Variants in HS3ST2 observed in about 807,000 individuals in gnomAD.
The protein encoded by HS3ST2 is heparan sulfate-glucosamine 3-sulfotransferase 2, also known as heparan sulfate glucosamine 3-O-sulfotransferase 2.
HS3ST2 carries 17 observed loss-of-function variants against 26.3 expected under a neutral mutation model. The ratio of observed to expected loss-of-function variants is 0.65; its 90% CI spans 0.44 to 0.97. The LOEUF is 0.97. Ranked by LOEUF, HS3ST2 falls within the 50% of genes least tolerant of loss-of-function variation. The pLI, the probability that HS3ST2 is intolerant of heterozygous loss-of-function variation, is 0.00. For synonymous variants in HS3ST2, 237 were observed against 219.2 expected, an observed-to-expected ratio of 1.08 and a Z score of -0.72; for missense variants, 402 against 501.2, an observed-to-expected ratio of 0.80 and a Z score of 1.89.
intron 1 of HS3ST2, among the ~76,000 whole-genome samples, chr16:22,862,657 G>A (rs1182876871): frequency 3.3e-5 from 5 of 152,206 alleles, no homozygotes; most frequent in African/African-American, 1.2e-4. Context: ...GACTCAGCCA[G>A]GTTGCCAGTC....
chr16:22,898,508 G>A (rs1474048491), intron 1 of HS3ST2, among the ~76,000 whole-genome samples: 9 of 152,222 alleles, frequency 5.9e-5, no homozygotes, highest in Non-Finnish European at 1.2e-4. Flanking sequence ...TTGAGCCACA[G>A]GAAGAGCCAG....
At chr16:22,910,079 A>G (rs1402692368) in intron 1 of HS3ST2, among the ~76,000 whole-genome samples, 2 of 152,006 alleles carry the variant, frequency 1.3e-5, no homozygotes, top group Non-Finnish European at 2.9e-5. Context: ...GGAAAAAAGA[A>G]GTTAGAAGGG....
intron 1 of HS3ST2, among the ~76,000 whole-genome samples, chr16:22,910,037 C>CAAAAAAAAAAAA (rs774757407): frequency 2.1e-5 from 2 of 97,020 alleles, no homozygotes; most frequent in East Asian, 2.8e-4. Context: ...AACTCCATCT[C>CAAAAAAAAAAAA]AAAAAAAAAA....
At chr16:22,819,268 T>C (rs1900953291) in intron 1 of HS3ST2, among the ~76,000 whole-genome samples, 1 of 149,622 alleles carries the variant, frequency 6.7e-6, no homozygotes, top group Non-Finnish European at 1.5e-5. Flanking sequence ...GTCAGTCTGC[T>C]CACCTGTGAA....
chr16:22,907,550 C>A (rs554505531), intron 1 of HS3ST2, among the ~76,000 whole-genome samples: 1 of 152,130 alleles, frequency 6.6e-6, no homozygotes, highest in Non-Finnish European at 1.5e-5. Context: ...GTAAAACTTA[C>A]AAGAACGAAA....
At chr16:22,906,129 T>C (rs1475169368) in intron 1 of HS3ST2, among the ~76,000 whole-genome samples, 1 of 151,996 alleles carries the variant, frequency 6.6e-6, no homozygotes, top group Non-Finnish European at 1.5e-5. Flanking sequence ...TCCCAGCACT[T>C]TGGGAGGCTG....
intron 1 of HS3ST2, among the ~76,000 whole-genome samples, chr16:22,841,420 C>A (rs1901354646): frequency 6.6e-6 from 1 of 152,178 alleles, no homozygotes; most frequent in Non-Finnish European, 1.5e-5. Context: ...TAATCACAAA[C>A]CAGCTTGACA....
chr16:22,819,450 G>C (rs1567478803), intron 1 of HS3ST2, among the ~76,000 whole-genome samples: 1 of 152,180 alleles, frequency 6.6e-6, no homozygotes, highest in Non-Finnish European at 1.5e-5. Context: ...TATAAGCTTT[G>C]CTGTGTGTAG....
intron 1 of HS3ST2, among the ~76,000 whole-genome samples, chr16:22,912,651 A>G (rs910438003): frequency 2.0e-5 from 3 of 152,210 alleles, no homozygotes; most frequent in Non-Finnish European, 4.4e-5. Context: ...CAGTGTATCC[A>G]GTGTAGCAGC....
intron 1 of HS3ST2, among the ~76,000 whole-genome samples, chr16:22,824,745 T>G (rs1441605661): frequency 6.6e-6 from 1 of 152,164 alleles, no homozygotes; most frequent in Admixed American, 6.5e-5. Flanking sequence ...TTTCCCTTGG[T>G]TAACAGAGGC....
chr16:22,870,531 G>A (rs550346221), intron 1 of HS3ST2, among the ~76,000 whole-genome samples: 61 of 152,134 alleles, frequency 4.0e-4, no homozygotes, highest in African/African-American at 1.4e-3. Context: ...CAGCCTCCAA[G>A]GTCCTACACC....
intron 1 of HS3ST2, among the ~76,000 whole-genome samples, chr16:22,890,933 G>C (rs1048274647): frequency 6.6e-5 from 10 of 152,182 alleles, no homozygotes; most frequent in African/African-American, 2.2e-4. Context: ...CCAGTAGACA[G>C]AAGAAATCAC....
In HS3ST2 at chr16:22,814,282, G is replaced by A. The variant is rs777043366; in HGVS notation, c.-329G>A. On this transcript the variant is annotated 5_prime_UTR_variant, in exon 1 of 2. The change abolishes an upstream ATG in the 5' untranslated region. Coordinates refer to ENST00000261374, the MANE Select transcript of HS3ST2 (RefSeq NM_006043.2). ...GAGCGGCGCTCCGAGGATCAGGAAT[G>A]GGGCTTCGGGCGCTGGGCGCGCTCC... 4.3e-5 allele frequency: 11 copies of A among 256,864 alleles called. No individual in the cohort carries two copies. Among genetic ancestry groups the A allele is most frequent in the Non-Finnish European group, 8.0e-5 (11 of 136,792 alleles). 15.9% of individuals were successfully genotyped at this position (256,864 alleles called of 1,614,324 possible).
At position 22,830,305 on chromosome 16, in the gene HS3ST2, G is replaced by A. The variant is rs556437259; in HGVS notation, c.485+15210G>A. 6.6e-5 allele frequency among the ~76,000 whole-genome samples: 10 copies of A among 152,286 alleles called. No individual in the cohort carries two copies. In the South Asian group the frequency reaches 1.2e-3, roughly 19 times the overall value. On this transcript the variant is annotated intron_variant, in intron 1 of 1. Transcript: ENST00000261374. The stretch of plus-strand genomic sequence containing the variant: ...TCACAGGTTCTTGTTTTAGAGATCC[G>A]CTTGCTTGCACAGAATGTGAGTGCC...
At chr16:22,865,684 T>G (rs1901740986) in intron 1 of HS3ST2, among the ~76,000 whole-genome samples, 1 of 152,242 alleles carries the variant, frequency 6.6e-6, no homozygotes, top group African/African-American at 2.4e-5. Context: ...ATTTTACTAC[T>G]GAGTAACTGG....
At chr16:22,817,464 T>A (rs1055259963) in intron 1 of HS3ST2, among the ~76,000 whole-genome samples, 1 of 152,220 alleles carries the variant, frequency 6.6e-6, no homozygotes, top group Admixed American at 6.5e-5. Flanking sequence ...TTCCATAACC[T>A]CCAGAACATC....
chr16:22,865,049 CAAAAA>C (rs59256411), intron 1 of HS3ST2, among the ~76,000 whole-genome samples: 1 of 50,072 alleles, frequency 2.0e-5, no homozygotes, highest in African/African-American at 6.1e-5. Flanking sequence ...GACCCTATCT[CAAAAA>C]AAAAAAAAAA....
chr16:22,836,761 A>G (rs997156874), intron 1 of HS3ST2, among the ~76,000 whole-genome samples: 3 of 152,158 alleles, frequency 2.0e-5, no homozygotes, highest in Admixed American at 6.5e-5. Context: ...CTCCTGCCTC[A>G]GCCTCCTGGG....
At chr16:22,895,572 G>T (rs887483966) in intron 1 of HS3ST2, among the ~76,000 whole-genome samples, 3 of 151,934 alleles carry the variant, frequency 2.0e-5, no homozygotes, top group Non-Finnish European at 4.4e-5. Flanking sequence ...TCTGTATTCT[G>T]GGGTGGTCGT....
Sources: allele counts gnomAD v4.1 joint callset (sites outside exome capture counted in the v4.1 genomes callset), GRCh38; gene constraint gnomAD v4.1.1; transcripts MANE v1.5; gene names NCBI Gene and HGNC (gene_info 2026-07-23, HGNC 2026-07-21).